MYH15: variants seen among roughly 807,000 people sequenced by gnomAD.
The protein encoded by MYH15 is myosin heavy chain 15.
MYH15 carries 227 observed loss-of-function variants against 240.5 expected under a neutral mutation model. The ratio of observed to expected loss-of-function variants is 0.94; its 90% confidence interval spans 0.85 to 1.05. The LOEUF is 1.05. Among genes scored for constraint, MYH15 ranks in the 50% least tolerant of loss-of-function variants. MYH15 has a pLI of 0.00. For synonymous variants in MYH15, 785 were observed against 796.7 expected (o/e 0.99, Z 0.25); for missense variants, 2,217 against 2,247.5 (o/e 0.99, Z 0.27).
intron 15 of MYH15, among the ~76,000 whole-genome samples, chr3:108,463,490 G>T (rs2107582634): frequency 6.6e-6 from 1 of 151,578 alleles, no homozygotes; most frequent in Non-Finnish European, 1.5e-5. Context: ...AATTTTTTTT[G>T]TATTTTTATT....
intron 1 of MYH15, among the ~76,000 whole-genome samples, chr3:108,528,863 A>T (rs1553690356): frequency 6.6e-6 from 1 of 152,190 alleles, no homozygotes; most frequent in Non-Finnish European, 1.5e-5. Context: ...AATAATTAGA[A>T]TTCAGGCAAC....
chr3:108,410,865 A>G lies in MYH15; in HGVS notation c.4213T>C (p.Ser1405Pro). The G allele has an allele frequency of 6.2e-7, 1 of 1,612,538 alleles. No homozygotes were observed. Among genetic ancestry groups the G allele is most frequent in the Non-Finnish European group, 8.5e-7 (1 of 1,178,702 alleles). ...AMGVANARNA[S>P]LERARHQLQL... is the part of the protein sequence containing the mutation. ...AGCTGGTGCCTGGCTCTCTCCAAGG[A>G]GGCATTTCTGGCATTGGCCACCCCC... is the stretch of plus-strand genomic sequence containing the variant. Residue 1405 changes from serine to proline, a missense_variant, in exon 31 of 41, where the codon TCC becomes CCC. Physicochemically the swap from Ser to Pro is moderately conservative, Grantham distance 74. Transcript: ENST00000693548.
Position 108,454,024 on chromosome 3 carries a change from T to C in MYH15, c.2381A>G (p.Gln794Arg). ...ATAATACCTTTCTTCCAGAATCTTCTGGAATTTGATTCGCATCAGTTTGCC... is the reference window on the plus strand; with the variant it reads ...ATAATACCTTTCTTCCAGAATCTTCCGGAATTTGATTCGCATCAGTTTGCC... ...AQGKLMRIKFQKILEERDALI... is the reference protein window; with the variant it reads ...AQGKLMRIKFRKILEERDALI... The change falls in exon 21 of 41, where the codon CAG becomes CGG. Residue 794 changes from glutamine (Q) to arginine (R), a missense_variant. Coordinates refer to ENST00000693548, the MANE Select transcript of MYH15 (RefSeq NM_014981.3). 6.2e-7 allele frequency: 1 copy of C among 1,611,792 alleles called. No homozygotes were observed. The highest frequency in any genetic ancestry group is 8.5e-7 in the Non-Finnish European group (1 of 1,178,418).
At chr3:108,550,471 C>T in the MYH15 span, 3 of 151,252 alleles carry the variant, frequency 2.0e-5, no homozygotes, top group Non-Finnish European at 3.0e-5. Context: ...ACAAATAATT[C>T]TACAAGTTCT....
At chr3:108,451,386 TAAAATAAAATAA>T (rs1217493688) in intron 21 of MYH15, among the ~76,000 whole-genome samples, 6 of 150,900 alleles carry the variant, frequency 4.0e-5, no homozygotes, top group South Asian at 2.1e-4. Flanking sequence ...TCTCAAAAAA[TAAAATAAAATAA>T]AAAATAAAAT....
chr3:108,509,249 A>G (rs2083502561), intron 1 of MYH15, among the ~76,000 whole-genome samples: 1 of 152,190 alleles, frequency 6.6e-6, no homozygotes. Context: ...ACAGGAAATT[A>G]TGTAGATTGC....
Position 108,441,101 on chromosome 3 carries a change from A to G in MYH15, c.2815T>C (p.Cys939Arg), listed in dbSNP as rs2082881089. The G allele has an allele frequency of 1.2e-6, 2 of 1,614,144 alleles. No individual in the cohort carries two copies. Among genetic ancestry groups the G allele is most frequent in the Non-Finnish European group, 1.7e-6 (2 of 1,180,004 alleles). ...TCGATTTCTTTCTTCAACTCAAAAC[A>G]TTCATCTTCGAGTTTCCGCCCCCTG... is the stretch of plus-strand genomic sequence containing the variant. ...TARGRKLEDE[C>R]FELKKEIDDL... The change falls in exon 23 of 41, where the codon TGT becomes CGT. Residue 939 changes from cysteine to arginine, a missense_variant. Coordinates refer to ENST00000693548, the MANE Select transcript of MYH15 (RefSeq NM_014981.3).
At chr3:108,437,945 GAACC>G (rs1031697224) in intron 24 of MYH15, among the ~76,000 whole-genome samples, 19 of 152,210 alleles carry the variant, frequency 1.2e-4, no homozygotes, top group Admixed American at 3.3e-4. Flanking sequence ...CTTAGGGAAG[GAACC>G]AACAAGAAAT....
intron 1 of MYH15, among the ~76,000 whole-genome samples, chr3:108,516,199 C>T (rs1047484263): frequency 6.6e-6 from 1 of 152,250 alleles, no homozygotes; most frequent in South Asian, 2.1e-4. Context: ...TGATTAGATT[C>T]GCTTGAGTTC....
intron 35 of MYH15, among the ~76,000 whole-genome samples, chr3:108,397,547 G>A (rs1455462142): frequency 6.6e-6 from 1 of 152,204 alleles, no homozygotes; most frequent in Non-Finnish European, 1.5e-5. Context: ...GAGACATTCT[G>A]TGTCTATACC....
At chr3:108,419,895 T>C (rs1221115557) in intron 28 of MYH15, among the ~76,000 whole-genome samples, 1 of 152,034 alleles carries the variant, frequency 6.6e-6, no homozygotes, top group African/African-American at 2.4e-5. Flanking sequence ...ACCTAAGAAT[T>C]CTATCTCTCA....
At chr3:108,538,315 G>A in the MYH15 span, among the ~76,000 whole-genome samples, 4 of 152,120 alleles carry the variant, frequency 2.6e-5, no homozygotes, top group East Asian at 1.9e-4. Flanking sequence ...TTGGGTAACC[G>A]GAAACTCTAA....
chr3:108,425,113 A>G (rs559637384), intron 27 of MYH15, among the ~76,000 whole-genome samples: 1 of 152,364 alleles, frequency 6.6e-6, no homozygotes. Flanking sequence ...AAAAACAGGT[A>G]AGTCTTTAAT....
Position 108,439,776 on chromosome 3 carries a change from C to G in MYH15, c.3036G>C (p.Leu1012=). ...LHMEEEKLSS[L]SKANLKLEQQ... ...GTTCCAGCTTCAGATTTGCTTTGCTCAGGCTGCTGAGCTTCTCCTCCTCCA... is the reference window on the plus strand; with the variant it reads ...GTTCCAGCTTCAGATTTGCTTTGCTGAGGCTGCTGAGCTTCTCCTCCTCCA... Residue 1012 remains leucine, a synonymous_variant, in exon 24 of 41, where the codon CTG becomes CTC. Coordinates refer to ENST00000693548, the MANE Select transcript of MYH15 (RefSeq NM_014981.3). 1.2e-6 allele frequency: 2 copies of G among 1,611,016 alleles called. No homozygotes were observed. The highest frequency in any genetic ancestry group is 1.7e-6 in the Non-Finnish European group (2 of 1,178,820).
At chr3:108,395,742 T>C (rs1053172990) in intron 35 of MYH15, among the ~76,000 whole-genome samples, 3 of 151,312 alleles carry the variant, frequency 2.0e-5, no homozygotes, top group African/African-American at 7.3e-5. Context: ...CAGTCAAAGA[T>C]AAGTTTAGCC....
chr3:108,527,128 G>C (rs1036826870), intron 1 of MYH15, among the ~76,000 whole-genome samples: 1 of 152,040 alleles, frequency 6.6e-6, no homozygotes, highest in Non-Finnish European at 1.5e-5. Context: ...ATCTTGGATG[G>C]GGCCTGAGAA....
At position 108,481,627 on chromosome 3, in the gene MYH15, T is replaced by C. The variant is rs573111273; in HGVS notation, c.1114+3464A>G. Among the ~76,000 whole-genome samples the C allele has an allele frequency of 8.2e-4, 125 of 152,020 alleles. 1 individual carries two copies. The highest frequency in any genetic ancestry group is 1.5e-3 in the Non-Finnish European group (103 of 67,962). On this transcript the variant is annotated intron_variant, in intron 11 of 40. Transcript: ENST00000693548. Reference sequence around the variant, plus strand: ...AGGCAGAAAGAAGAGTTAGTGAAAATAGTCCTGCAATAGGAGTGCTTACAT... The same window carrying C: ...AGGCAGAAAGAAGAGTTAGTGAAAACAGTCCTGCAATAGGAGTGCTTACAT...
chr3:108,477,752 C>T (rs768868936), intron 11 of MYH15, among the ~76,000 whole-genome samples: 7 of 152,028 alleles, frequency 4.6e-5, no homozygotes, highest in Non-Finnish European at 8.8e-5. Context: ...CTCTGCTGCC[C>T]AACAATAATA....
At chr3:108,514,758 C>A (rs1299722523), upstream of MYH15, among the ~76,000 whole-genome samples, 1 of 152,148 alleles carries the variant, frequency 6.6e-6, no homozygotes, top group African/African-American at 2.4e-5. Flanking sequence ...TGAATGGAAA[C>A]TGTAGGCAGA....
Sources: allele counts gnomAD v4.1 joint callset (sites outside exome capture counted in the v4.1 genomes callset), GRCh38; gene constraint gnomAD v4.1.1; transcripts MANE v1.5; gene names NCBI Gene and HGNC (gene_info 2026-07-23, HGNC 2026-07-21).